The following INTS2 variants were observed in gnomAD, a reference collection of about 807,000 sequenced individuals.
INTS2 encodes the protein KIAA1287.
A neutral mutation model predicts 139.6 loss-of-function variants in INTS2; 57 were observed. The observed-to-expected ratio is 0.41, with a 90% CI of 0.33 to 0.51. INTS2 has a LOEUF of 0.51. Among genes scored for constraint, INTS2 ranks in the 20% least tolerant of loss-of-function variants. The pLI, the probability that INTS2 is intolerant of heterozygous loss-of-function variation, is 0.28. For synonymous variants in INTS2, 473 were observed against 493.4 expected (o/e 0.96, Z 0.55); for missense variants, 1,196 against 1,436.7 (o/e 0.83, Z 2.71).
intron 5 of INTS2, among the ~76,000 whole-genome samples, chr17:61,915,525 C>CA (rs1402899856): frequency 1.2e-3 from 146 of 123,528 alleles, no homozygotes; most frequent in African/African-American, 3.7e-3. Flanking sequence ...AACTCTGTTT[C>CA]AAAAAAAAAA....
At chr17:61,892,344 T>C (rs1421940316) in intron 13 of INTS2, among the ~76,000 whole-genome samples, 1 of 152,256 alleles carries the variant, frequency 6.6e-6, no homozygotes, top group Non-Finnish European at 1.5e-5. Flanking sequence ...CTACTTTACC[T>C]CCTGGGTCTT....
chr17:61,866,808 T>C lies in INTS2; in HGVS notation c.*749A>G, dbSNP rs917372000. 2.6e-5 allele frequency: 4 copies of C among 152,234 alleles called. No individual in the cohort carries two copies. The highest frequency in any genetic ancestry group is 4.4e-5 in the Non-Finnish European group (3 of 68,040). 9.4% of individuals were successfully genotyped at this position (152,234 alleles called of 1,614,324 possible). A position where few individuals can be genotyped will look rare whatever the true frequency, so the allele number is the denominator to read the frequency against. The stretch of plus-strand genomic sequence containing the variant: ...AACTAAATGAGATCTCTCAGGTTCT[T>C]CTTTGAACAAAGATGTTTCTGTAAA... On this transcript the variant is annotated 3_prime_UTR_variant, in exon 25 of 25. Transcript: ENST00000251334.
At chr17:61,920,722 G>C (rs963275210) in intron 4 of INTS2, among the ~76,000 whole-genome samples, 17 of 151,818 alleles carry the variant, frequency 1.1e-4, no homozygotes, top group African/African-American at 3.4e-4. Context: ...AGAATCACTT[G>C]AACCCCGGAG....
intron 17 of INTS2, among the ~76,000 whole-genome samples, chr17:61,878,805 G>C (rs920612090): frequency 1.3e-5 from 2 of 151,302 alleles, no homozygotes; most frequent in African/African-American, 2.4e-5. Context: ...AGCTGGATGT[G>C]GTGGTGTACC....
At chr17:61,877,387 T>C (rs2079135641) in intron 18 of INTS2, among the ~76,000 whole-genome samples, 1 of 152,196 alleles carries the variant, frequency 6.6e-6, no homozygotes, top group African/African-American at 2.4e-5. Flanking sequence ...ATCCAATCTA[T>C]GAACCAGCAG....
In INTS2 at chr17:61,909,459, A is replaced by T. The variant is rs1007444490; in HGVS notation, c.955-1825T>A. 6.6e-6 allele frequency among the ~76,000 whole-genome samples: 1 copy of T among 152,172 alleles called. No homozygotes were observed. The highest frequency in any genetic ancestry group is 1.5e-5 in the Non-Finnish European group (1 of 68,032). ...GGGGGTACAAGTGCAGTTTTGTTAC[A>T]TGAATCTATTGCATAGAAGTCTGGG... is the stretch of plus-strand genomic sequence containing the variant. On this transcript the variant is annotated intron_variant, in intron 7 of 24. Transcript: ENST00000251334. This position sits in a 1 kb window ranked among gnomAD's most constrained non-coding sequence, Gnocchi z 4.9.
At chr17:61,922,507 CAAACATATATATATATAT>C (rs2079654050) in intron 3 of INTS2, among the ~76,000 whole-genome samples, 1 of 52,466 alleles carries the variant, frequency 1.9e-5, no homozygotes, top group South Asian at 4.9e-4. Flanking sequence ...AGAAAACAAA[CAAACATATATATATATAT>C]ATATATATAT....
chr17:61,870,649 T>C lies in INTS2; in HGVS notation c.2779-661A>G, dbSNP rs1194339940. On this transcript the variant is annotated intron_variant, in intron 20 of 24. Transcript: ENST00000251334. The surrounding 1 kb of genome is among the most constrained non-coding windows in gnomAD (Gnocchi z 4.4). ...GAAAGAAGTAAAAAATAAAAATGAA[T>C]ACATGACATCCACCTCTGATAGACA... is the stretch of plus-strand genomic sequence containing the variant. 6.6e-6 allele frequency among the ~76,000 whole-genome samples: 1 copy of C among 152,092 alleles called. No homozygotes were observed. The highest frequency in any genetic ancestry group is 1.5e-5 in the Non-Finnish European group (1 of 68,010).
intron 2 of INTS2, 38 bp from the exon 3 acceptor site, chr17:61,925,137 C>A: frequency 6.4e-7 from 1 of 1,569,882 alleles, no homozygotes. Flanking sequence ...TATGAAAACA[C>A]TGATATGGAA....
chr17:61,891,286 T>A (rs1487695482), intron 14 of INTS2, among the ~76,000 whole-genome samples: 1 of 151,988 alleles, frequency 6.6e-6, no homozygotes, highest in African/African-American at 2.4e-5. Flanking sequence ...CACTCCAGCC[T>A]AGGCAACAAG....
chr17:61,875,117 G>C lies in INTS2; in HGVS notation c.2457-79C>G. On this transcript the variant is annotated intron_variant, in intron 18 of 24. Transcript: ENST00000251334. The surrounding 1 kb of genome is among the most constrained non-coding windows in gnomAD (Gnocchi z 4.6). ...TAGCCATCCAGTCCTTTCTATCTTAGAAAGTTATATTCAGTAAATAATTAG... is the reference window on the plus strand; with the variant it reads ...TAGCCATCCAGTCCTTTCTATCTTACAAAGTTATATTCAGTAAATAATTAG... The C allele has an allele frequency of 9.4e-7, 1 of 1,059,104 alleles. No homozygotes were observed. Among genetic ancestry groups the C allele is most frequent in the Non-Finnish European group, 1.3e-6 (1 of 780,424 alleles). The allele number at this position is 1,059,104 out of a possible 1,614,324, so 65.6% of individuals were successfully genotyped here. A position where few individuals can be genotyped will look rare whatever the true frequency, so the allele number is the denominator to read the frequency against.
At position 61,872,217 on chromosome 17, in the gene INTS2, G is replaced by A; in HGVS notation, c.2778+48C>T. On this transcript the variant is annotated intron_variant, in intron 20 of 24. Transcript: ENST00000251334. This position sits in a 1 kb window ranked among gnomAD's most constrained non-coding sequence, Gnocchi z 4.8. ...ATCTATTGAACTGATTATACTAGTA[G>A]AGAAGCCCTTGCTCTTTTTGACTAA... The A allele has an allele frequency of 7.3e-7, 1 of 1,361,378 alleles. No individual in the cohort carries two copies. Among genetic ancestry groups the A allele is most frequent in the Non-Finnish European group, 1.0e-6 (1 of 966,034 alleles). The allele number at this position is 1,361,378 out of a possible 1,614,324, so 84.3% of individuals were successfully genotyped here. A position where few individuals can be genotyped will look rare whatever the true frequency, so the allele number is the denominator to read the frequency against.
At position 61,869,561 on chromosome 17, in the gene INTS2, C is replaced by T. The variant is rs768657040; in HGVS notation, c.3030+176G>A. ...CTAGAATAGAGATTAAACTATCGAA[C>T]ATTTCATTAGGTTAAAAAAAAAAAC... On this transcript the variant is annotated intron_variant, in intron 21 of 24. Transcript: ENST00000251334. The surrounding 1 kb of genome is among the most constrained non-coding windows in gnomAD (Gnocchi z 5.4). Among the ~76,000 whole-genome samples the T allele has an allele frequency of 6.6e-6, 1 of 151,584 alleles. No homozygotes were observed. The highest frequency in any genetic ancestry group is 1.5e-5 in the Non-Finnish European group (1 of 67,902).
rs374970514 is a variant in INTS2, at chr17:61,927,951, C to A, written c.-316G>T. The A allele has an allele frequency of 1.2e-6, 2 of 1,613,900 alleles. No homozygotes were observed. Among genetic ancestry groups the A allele is most frequent in the South Asian group, 2.2e-5 (2 of 91,078 alleles). ...ACCCAGCACCTTCATTCATCCCCAG[C>A]GTCTGACTCCCGTCGGCCACCGTAC... is the stretch of plus-strand genomic sequence containing the variant. On this transcript the variant is annotated 5_prime_UTR_variant, in exon 1 of 25. Transcript: ENST00000251334.
In INTS2 at chr17:61,897,482, G is replaced by A. The variant is rs763814165; in HGVS notation, c.1481C>T (p.Thr494Ile). ...AAAGAAAATTACCTTCATCCCCAAA[G>A]TGGAACAGACCAAGTCAATGATAGC... ...LSAIIDLVCS[T>I]LGMKIVIKPS... The change falls in exon 11 of 25, where the codon ACT becomes ATT. Residue 494 changes from threonine (T) to isoleucine (I), a missense_variant. Coordinates refer to ENST00000251334, the MANE Select transcript of INTS2 (RefSeq NM_001351695.2). The surrounding 1 kb of genome is among the most constrained non-coding windows in gnomAD (Gnocchi z 4.4). The A allele has an allele frequency of 1.3e-6, 2 of 1,572,148 alleles. No individual in the cohort carries two copies. Among genetic ancestry groups the A allele is most frequent in the East Asian group, 2.3e-5 (1 of 44,146 alleles).
intron 8 of INTS2, among the ~76,000 whole-genome samples, chr17:61,905,215 A>C (rs2079448632): frequency 6.6e-6 from 1 of 152,134 alleles, no homozygotes; most frequent in Non-Finnish European, 1.5e-5. Flanking sequence ...TGCTGGGATT[A>C]CAGGTGTAAG....
rs367582952 is a variant in INTS2 at position 61,869,574 on chromosome 17, TA to T, written c.3030+162del. Among the ~76,000 whole-genome samples the T allele has an allele frequency of 2.3e-3, 335 of 145,554 alleles. 2 individuals carry two copies. Among genetic ancestry groups the T allele is most frequent in the African/African-American group, 6.1e-3 (243 of 39,924 alleles). ...TAAACTATCGAACATTTCATTAGGT[TA>T]AAAAAAAAAACAACTAAAAATCTGG... is the stretch of plus-strand genomic sequence containing the variant. On this transcript the variant is annotated intron_variant, in intron 21 of 24. Transcript: ENST00000251334. The surrounding 1 kb of genome is among the most constrained non-coding windows in gnomAD (Gnocchi z 5.4).
chr17:61,920,728 C>T (rs973005500), intron 4 of INTS2, among the ~76,000 whole-genome samples: 15 of 151,146 alleles, frequency 9.9e-5, no homozygotes, highest in African/African-American at 3.2e-4. Context: ...ACTTGAACCC[C>T]GGAGGCGGAG....
In INTS2 at chr17:61,897,343, G is replaced by T; in HGVS notation, c.1494+126C>A. ...GGTTTCAAAATGCATTTTTCTAAGC[G>T]CTCTTGATAAAACTTCTATTAAACA... On this transcript the variant is annotated intron_variant, in intron 11 of 24. Transcript: ENST00000251334. The surrounding 1 kb of genome is among the most constrained non-coding windows in gnomAD (Gnocchi z 4.4). The T allele has an allele frequency of 1.7e-6, 1 of 577,256 alleles. No homozygotes were observed. 35.8% of individuals were successfully genotyped at this position (577,256 alleles called of 1,614,324 possible). A position where few individuals can be genotyped will look rare whatever the true frequency, so the allele number is the denominator to read the frequency against.
Sources: gnomAD v4.1 joint callset for allele counts (sites outside exome capture counted in the v4.1 genomes callset) on GRCh38, gnomAD v4.1.1 for gene constraint, Gnocchi (gnomAD v3.1) non-coding constraint, MANE v1.5 for transcripts, NCBI Gene and HGNC (gene_info 2026-07-23, HGNC 2026-07-21) for gene names.